Variants in EIF3H observed in about 807,000 individuals in gnomAD.
The protein encoded by EIF3H is eIF-3-gamma.
EIF3H carries 26 observed loss-of-function variants against 44.2 expected under a neutral mutation model. That is an observed-to-expected ratio of 0.59 (90% CI 0.43 to 0.82). EIF3H has a LOEUF of 0.82. EIF3H is among the 40% of genes least tolerant of loss of function. The probability of loss-of-function intolerance (pLI) is 0.00; values close to 1 mark genes in which losing one functional copy is unlikely to be tolerated. For missense variants in EIF3H, 359 were observed against 432.8 expected, an observed-to-expected ratio of 0.83 and a Z score of 1.51; for synonymous variants, 166 against 151.9, an observed-to-expected ratio of 1.09 and a Z score of -0.68.
At chr8:116,709,336 T>C (rs1814532659) in intron 2 of EIF3H, among the ~76,000 whole-genome samples, 1 of 152,184 alleles carries the variant, frequency 6.6e-6, no homozygotes, top group South Asian at 2.1e-4. Context: ...GTTTTAGAAA[T>C]GGAACCACAG....
At chr8:116,723,018 G>T (rs1437714740) in intron 2 of EIF3H, among the ~76,000 whole-genome samples, 1 of 152,126 alleles carries the variant, frequency 6.6e-6, no homozygotes, top group African/African-American at 2.4e-5. Flanking sequence ...CAATGATCTA[G>T]AATTAGTAAT....
chr8:116,716,767 T>C (rs1459531228), intron 2 of EIF3H, among the ~76,000 whole-genome samples: 3 of 152,032 alleles, frequency 2.0e-5, no homozygotes, highest in Non-Finnish European at 4.4e-5. Context: ...ACCGTGTCCC[T>C]ACAAAACTTT....
intron 1 of EIF3H, among the ~76,000 whole-genome samples, chr8:116,765,071 G>A (rs968158007): frequency 6.6e-6 from 1 of 152,096 alleles, no homozygotes; most frequent in African/African-American, 2.4e-5. Flanking sequence ...AAGAAAAAAT[G>A]TTTTAACTGT....
At chr8:116,704,750 G>A (rs963272363) in intron 2 of EIF3H, among the ~76,000 whole-genome samples, 1 of 152,116 alleles carries the variant, frequency 6.6e-6, no homozygotes, top group African/African-American at 2.4e-5. Context: ...AACTTCAACA[G>A]TTTAAAAGAG....
chr8:116,743,636 T>G (rs1815167032), intron 1 of EIF3H, among the ~76,000 whole-genome samples: 1 of 151,548 alleles, frequency 6.6e-6, no homozygotes, highest in Non-Finnish European at 1.5e-5. Context: ...GCACCCATTA[T>G]GGTCCCAGCT....
intron 2 of EIF3H, among the ~76,000 whole-genome samples, chr8:116,665,488 C>T (rs1012803310): frequency 1.3e-5 from 2 of 151,860 alleles, no homozygotes; most frequent in Admixed American, 1.3e-4. Context: ...ATGTTCTTTG[C>T]AGCAAAAAAA....
In EIF3H at chr8:116,722,154, G is replaced by A. The variant is rs141806059; in HGVS notation, c.289+3862C>T. On this transcript the variant is annotated intron_variant, in intron 2 of 7. Transcript: ENST00000521861. The stretch of plus-strand genomic sequence containing the variant: ...TCAGTGGAAGATAACTGAATCACGG[G>A]AGCAGTTGCCCCCATACTGTTCTTG... Among the ~76,000 whole-genome samples the A allele has an allele frequency of 4.8e-3, 727 of 152,224 alleles. 3 individuals carry two copies. The highest frequency in any genetic ancestry group is 7.5e-3 in the Non-Finnish European group (513 of 68,008).
At chr8:116,646,857 T>C (rs924956015) in intron 6 of EIF3H, among the ~76,000 whole-genome samples, 12 of 152,088 alleles carry the variant, frequency 7.9e-5, no homozygotes, top group Non-Finnish European at 1.3e-4. Flanking sequence ...ACAAAACTAG[T>C]TATGTAAGTA....
rs369251857 is a variant in EIF3H, at chr8:116,681,709, A to G, written c.290-22729T>C. On this transcript the variant is annotated intron_variant, in intron 2 of 7. Transcript: ENST00000521861. ...AATCTAAAATTTTAAAGCATGTTTT[A>G]AACGTTTAGAAAGAATTATACCAAC... Among the ~76,000 whole-genome samples the G allele has an allele frequency of 5.3e-5, 8 of 152,082 alleles. No homozygotes were observed. In the East Asian group the frequency reaches 1.5e-3, roughly 29 times the overall value.
At chr8:116,722,049 T>A (rs1013268293) in intron 2 of EIF3H, among the ~76,000 whole-genome samples, 11 of 152,202 alleles carry the variant, frequency 7.2e-5, no homozygotes, top group African/African-American at 2.2e-4. Flanking sequence ...CAGGGTGGAA[T>A]GATATGGTTT....
intron 5 of EIF3H, among the ~76,000 whole-genome samples, chr8:116,652,248 G>A (rs1161658662): frequency 6.6e-6 from 1 of 152,204 alleles, no homozygotes; most frequent in Non-Finnish European, 1.5e-5. Flanking sequence ...CAGTGACATA[G>A]TGACATCAAA....
rs369010403 is a variant in EIF3H at position 116,656,030 on chromosome 8, T to C, written c.558-25A>G. 1.6e-5 allele frequency: 26 copies of C among 1,609,478 alleles called. No individual in the cohort carries two copies. In the Middle Eastern group the frequency reaches 5.5e-4, roughly 34 times the overall value. On this transcript the variant is annotated intron_variant, in intron 4 of 7. Transcript: ENST00000521861. The stretch of plus-strand genomic sequence containing the variant: ...TCTGTGAAGCATGTTAAAAATACTT[T>C]AGTCTGATGGTCAAAAGTAAGTGCT...
chr8:116,681,539 G>A (rs920140852), intron 2 of EIF3H, among the ~76,000 whole-genome samples: 6 of 151,742 alleles, frequency 4.0e-5, no homozygotes, highest in African/African-American at 1.5e-4. Flanking sequence ...GGTGGCACAT[G>A]CCTGTAATCC....
chr8:116,718,078 G>C (rs751524936), intron 2 of EIF3H, among the ~76,000 whole-genome samples: 1 of 151,814 alleles, frequency 6.6e-6, no homozygotes, highest in Non-Finnish European at 1.5e-5. Context: ...AGTGGGCTAA[G>C]GACATGAAAG....
At chr8:116,692,850 G>A (rs1238575736) in intron 2 of EIF3H, among the ~76,000 whole-genome samples, 1 of 152,100 alleles carries the variant, frequency 6.6e-6, no homozygotes, top group Non-Finnish European at 1.5e-5. Context: ...CTGTTGAGAA[G>A]CTATTTTCTT....
At chr8:116,745,116 C>T (rs1274108157) in intron 1 of EIF3H, among the ~76,000 whole-genome samples, 2 of 152,202 alleles carry the variant, frequency 1.3e-5, no homozygotes, top group African/African-American at 4.8e-5. Flanking sequence ...ATTGTACACC[C>T]ACACCTTTTA....
intron 2 of EIF3H, among the ~76,000 whole-genome samples, chr8:116,710,048 C>T (rs1030253501): frequency 2.6e-5 from 4 of 152,194 alleles, no homozygotes; most frequent in Non-Finnish European, 5.9e-5. Flanking sequence ...AGATTCCTTA[C>T]AGCTAACTGA....
At chr8:116,658,005 A>G (rs1257008618) in intron 3 of EIF3H, among the ~76,000 whole-genome samples, 1 of 152,230 alleles carries the variant, frequency 6.6e-6, no homozygotes, top group Non-Finnish European at 1.5e-5. Flanking sequence ...AACTTTTAGC[A>G]ATAGGTGATA....
At chr8:116,678,930 G>GC (rs1813907778) in intron 2 of EIF3H, among the ~76,000 whole-genome samples, 1 of 99,726 alleles carries the variant, frequency 1.0e-5, no homozygotes, top group African/African-American at 3.1e-5. Context: ...CTGCCCGGCC[G>GC]CCCCTACTGG....
Sources: gnomAD v4.1 joint callset for allele counts (sites outside exome capture counted in the v4.1 genomes callset) on GRCh38, gnomAD v4.1.1 for gene constraint, MANE v1.5 for transcripts, NCBI Gene and HGNC (gene_info 2026-07-23, HGNC 2026-07-21) for gene names.